Variants in GALNT13 observed in about 807,000 individuals in gnomAD.
The protein encoded by GALNT13 is UDP-GalNAc:polypeptide N-acetylgalactosaminyltransferase 13.
GALNT13 carries 28 observed loss-of-function variants against 64.2 expected under a neutral mutation model. The ratio of observed to expected loss-of-function variants is 0.44; its 90% CI spans 0.32 to 0.60. The LOEUF (loss-of-function observed/expected upper bound fraction) is 0.60. Ranked by LOEUF, GALNT13 falls within the 20% of genes least tolerant of loss-of-function variation. GALNT13 has a pLI of 0.05. For missense variants in GALNT13, 577 were observed against 669.8 expected, an observed-to-expected ratio of 0.86 and a Z score of 1.53; for synonymous variants, 214 against 224.6, an observed-to-expected ratio of 0.95 and a Z score of 0.42.
chr2:153,363,114 C>G, the GALNT13 span, among the ~76,000 whole-genome samples: 1 of 152,036 alleles, frequency 6.6e-6, no homozygotes, highest in South Asian at 2.1e-4. Context: ...GGAAATTGAA[C>G]AACATGCTCC....
At chr2:153,292,951 G>A in the GALNT13 span, among the ~76,000 whole-genome samples, 1 of 151,926 alleles carries the variant, frequency 6.6e-6, no homozygotes, top group African/African-American at 2.4e-5. Context: ...GCAGAGCCTA[G>A]GTGAAGTAGA....
chr2:153,944,639 G>T lies in GALNT13; in HGVS notation c.142G>T (p.Ala48Ser), dbSNP rs572595038. The T allele has an allele frequency of 1.9e-6, 3 of 1,611,784 alleles. No individual in the cohort carries two copies. The highest frequency in any genetic ancestry group is 2.7e-5 in the African/African-American group (2 of 74,964). ...GAGATCTCTGCTGCCTGCATTGAGGGGTAAGTGCTTATGAAGCAAATACTG... is the reference window on the plus strand; with the variant it reads ...GAGATCTCTGCTGCCTGCATTGAGGTGTAAGTGCTTATGAAGCAAATACTG... ...KERSLLPALR[A>S]VISRNQEGPG... is the part of the protein sequence containing the mutation. The change falls in exon 3 of 13, where the codon GCT becomes TCT. Residue 48 changes from alanine (A) to serine (S), a missense_variant and splice_region_variant. By Grantham distance (99) the Ala-to-Ser change is moderately conservative. This residue lies in a region of GALNT13 where 341 missense variants were observed against 379.3 expected (regional missense o/e 0.90). Transcript: ENST00000392825.
At chr2:153,641,492 C>T in the GALNT13 span, among the ~76,000 whole-genome samples, 1 of 152,140 alleles carries the variant, frequency 6.6e-6, no homozygotes, top group Non-Finnish European at 1.5e-5. Flanking sequence ...TGTTCTCACT[C>T]ATTCTCCCCA....
At chr2:153,264,476 A>T in the GALNT13 span, among the ~76,000 whole-genome samples, 2 of 152,224 alleles carry the variant, frequency 1.3e-5, no homozygotes, top group African/African-American at 4.8e-5. Context: ...TGTTATAAAG[A>T]TACATGCACT....
the GALNT13 span, among the ~76,000 whole-genome samples, chr2:153,712,427 G>A: frequency 3.9e-5 from 6 of 152,058 alleles, no homozygotes; most frequent in African/African-American, 1.4e-4. Flanking sequence ...ATCAACATTG[G>A]AGAGTCAGTA....
At chr2:153,905,552 C>T (rs1291421307) in intron 2 of GALNT13, among the ~76,000 whole-genome samples, 2 of 151,942 alleles carry the variant, frequency 1.3e-5, no homozygotes, top group Non-Finnish European at 2.9e-5. Context: ...TAACCTGCTT[C>T]TTGTGATGAT....
At chr2:153,896,643 G>A (rs1329000883) in intron 1 of GALNT13, among the ~76,000 whole-genome samples, 2 of 151,888 alleles carry the variant, frequency 1.3e-5, no homozygotes, top group Non-Finnish European at 2.9e-5. Context: ...TAGGCTAATT[G>A]TGTGTTACAG....
chr2:153,648,819 C>A, the GALNT13 span, among the ~76,000 whole-genome samples: 1 of 152,148 alleles, frequency 6.6e-6, no homozygotes, highest in South Asian at 2.1e-4. Flanking sequence ...ATGAAGCCCA[C>A]TTGATCATGG....
the GALNT13 span, among the ~76,000 whole-genome samples, chr2:153,251,976 G>T: frequency 0.018 from 2,771 of 151,760 alleles, 82 homozygotes; most frequent in African/African-American, 0.064. Flanking sequence ...AGTCCTTTGG[G>T]TATATACCCA....
At chr2:153,503,888 A>C in the GALNT13 span, among the ~76,000 whole-genome samples, 1 of 151,958 alleles carries the variant, frequency 6.6e-6, no homozygotes, top group African/African-American at 2.4e-5. Flanking sequence ...TTGCATATGA[A>C]TTCTAGGATT....
At chr2:153,375,991 T>C in the GALNT13 span, among the ~76,000 whole-genome samples, 1 of 152,002 alleles carries the variant, frequency 6.6e-6, no homozygotes, top group African/African-American at 2.4e-5. Context: ...CAGGCTCTTT[T>C]TACAACCAGC....
the GALNT13 span, among the ~76,000 whole-genome samples, chr2:153,818,031 AGTGACAG>A: frequency 6.6e-6 from 1 of 152,124 alleles, no homozygotes; most frequent in African/African-American, 2.4e-5. Flanking sequence ...TTACCAAGGA[AGTGACAG>A]GACCCACAGA....
chr2:153,622,442 A>T, the GALNT13 span, among the ~76,000 whole-genome samples: 1 of 152,156 alleles, frequency 6.6e-6, no homozygotes, highest in Non-Finnish European at 1.5e-5. Flanking sequence ...CCACAAAAGC[A>T]CATTTTTGGC....
At chr2:153,935,655 C>T (rs1690854026) in intron 2 of GALNT13, among the ~76,000 whole-genome samples, 1 of 152,190 alleles carries the variant, frequency 6.6e-6, no homozygotes. Flanking sequence ...ACTGGCCATG[C>T]CCACATGAGT....
chr2:153,824,083 G>C, the GALNT13 span, among the ~76,000 whole-genome samples: 2 of 152,088 alleles, frequency 1.3e-5, no homozygotes, highest in Non-Finnish European at 2.9e-5. Context: ...TCTGAAACCA[G>C]TCAGAACGGC....
intron 9 of GALNT13, among the ~76,000 whole-genome samples, chr2:154,370,726 A>G (rs1371687928): frequency 6.6e-6 from 1 of 152,136 alleles, no homozygotes; most frequent in Non-Finnish European, 1.5e-5. Context: ...AAATAGGCAG[A>G]CTTATAAATC....
chr2:153,429,743 A>G, the GALNT13 span, among the ~76,000 whole-genome samples: 1 of 152,172 alleles, frequency 6.6e-6, no homozygotes, highest in Non-Finnish European at 1.5e-5. Flanking sequence ...TATTAAAATA[A>G]TGAGATCTAG....
chr2:153,806,339 A>G, the GALNT13 span, among the ~76,000 whole-genome samples: 2,205 of 152,204 alleles, frequency 0.014, 58 homozygotes, highest in African/African-American at 0.05. Context: ...ATTGACTTAA[A>G]TCCATTACTA....
At chr2:153,490,118 A>C in the GALNT13 span, among the ~76,000 whole-genome samples, 2 of 152,170 alleles carry the variant, frequency 1.3e-5, no homozygotes. Context: ...CAGAAGACAA[A>C]GTGTCCTGGC....
Sources: allele counts gnomAD v4.1 joint callset (sites outside exome capture counted in the v4.1 genomes callset), GRCh38; gene constraint gnomAD v4.1.1; regional missense constraint gnomAD v4.1.1; transcripts MANE v1.5; gene names NCBI Gene and HGNC (gene_info 2026-07-23, HGNC 2026-07-21).